The following ATP9A variants were observed in gnomAD, a reference collection of about 807,000 sequenced individuals.
The protein encoded by ATP9A is probable phospholipid-transporting ATPase IIA.
ATP9A carries 52 observed loss-of-function variants against 144.1 expected under a neutral mutation model. That is an observed-to-expected ratio of 0.36 (90% CI 0.29 to 0.45). The LOEUF is 0.45. ATP9A is among the 20% of genes least tolerant of loss of function. ATP9A has a pLI of 1.00. For synonymous variants in ATP9A, 582 were observed against 557.4 expected, an observed-to-expected ratio of 1.04 and a Z score of -0.62; for missense variants, 947 against 1,392.7, an observed-to-expected ratio of 0.68 and a Z score of 5.09.
intron 2 of ATP9A, among the ~76,000 whole-genome samples, chr20:51,727,516 G>A (rs2077720072): frequency 6.6e-6 from 1 of 152,108 alleles, no homozygotes; most frequent in South Asian, 2.1e-4. Context: ...AGCCCAGGAG[G>A]CGGAGATAGT....
At chr20:51,710,522 T>TC (rs1283466767) in intron 4 of ATP9A, among the ~76,000 whole-genome samples, 1 of 152,078 alleles carries the variant, frequency 6.6e-6, no homozygotes, top group African/African-American at 2.4e-5. Context: ...ACTCTGGCCC[T>TC]CCCCCCAAAA....
At chr20:51,710,812 G>T (rs1352813456) in intron 4 of ATP9A, among the ~76,000 whole-genome samples, 1 of 152,148 alleles carries the variant, frequency 6.6e-6, no homozygotes, top group African/African-American at 2.4e-5. Context: ...CTGGGAAGGG[G>T]CGTGCAGTGG....
chr20:51,654,533 G>A (rs889565291), intron 14 of ATP9A, among the ~76,000 whole-genome samples: 1 of 151,948 alleles, frequency 6.6e-6, no homozygotes, highest in Non-Finnish European at 1.5e-5. Context: ...AAAAATTCTG[G>A]GAAGCACTCT....
Position 51,762,705 on chromosome 20 carries a change from C to CTTTTTT in ATP9A, c.68+5591_68+5596dup, listed in dbSNP as rs34209501. ...TTTAAGGTGATATATCCACAAATGG[C>CTTTTTT]TTTTTTTTTTTTTTTTTTTTTTGAG... On this transcript the variant is annotated intron_variant, in intron 1 of 27. Transcript: ENST00000338821. Among the ~76,000 whole-genome samples the CTTTTTT allele has an allele frequency of 4.1e-4, 35 of 84,502 alleles. 2 individuals are homozygous for CTTTTTT. The highest frequency in any genetic ancestry group is 1.0e-3 in the African/African-American group (20 of 19,778). The allele number at this position is 84,502 out of a possible 152,430, so 55.4% of individuals were successfully genotyped here. A position where few individuals can be genotyped will look rare whatever the true frequency, so the allele number is the denominator to read the frequency against.
chr20:51,604,862 G>A lies in ATP9A; in HGVS notation c.2962C>T (p.Leu988=). 6.3e-7 allele frequency: 1 copy of A among 1,581,574 alleles called. No homozygotes were observed. The highest frequency in any genetic ancestry group is 8.6e-7 in the Non-Finnish European group (1 of 1,162,844). Residue 988 remains leucine (L), a synonymous_variant, in exon 27 of 28, where the codon CTG becomes TTG. Transcript: ENST00000338821. ...WLMTVAELLS[L]ACYIASLVFL... is the part of the protein sequence containing the mutation. Reference sequence around the variant, plus strand: ...ACCAGGGAGGCGATGTAGCAGGCCAGGCTGAGCAGCTCCGCCACTGTCATG... The same window carrying A: ...ACCAGGGAGGCGATGTAGCAGGCCAAGCTGAGCAGCTCCGCCACTGTCATG...
chr20:51,624,983 C>T (rs539595668), intron 18 of ATP9A, among the ~76,000 whole-genome samples: 14 of 133,378 alleles, frequency 1.0e-4, no homozygotes, highest in African/African-American at 2.0e-4. Context: ...CCAGCCTGGG[C>T]GACACAGCGA....
At chr20:51,743,020 G>C (rs766241719) in intron 1 of ATP9A, among the ~76,000 whole-genome samples, 11 of 152,170 alleles carry the variant, frequency 7.2e-5, no homozygotes, top group Non-Finnish European at 1.6e-4. Context: ...TGGAACTGTT[G>C]TCCCACGGTA....
chr20:51,657,266 CT>C, intron 13 of ATP9A, 116 bp from the exon 14 acceptor site: 1 of 772,380 alleles, frequency 1.3e-6, no homozygotes, highest in Non-Finnish European at 2.1e-6. Context: ...ACACAGAACC[CT>C]TAGATATATC....
At chr20:51,710,016 G>GT (rs2077630968) in intron 4 of ATP9A, among the ~76,000 whole-genome samples, 2 of 152,174 alleles carry the variant, frequency 1.3e-5, no homozygotes, top group East Asian at 3.9e-4. Flanking sequence ...AAGACCTCAT[G>GT]TGAGGCCGGG....
intron 1 of ATP9A, chr20:51,734,938 G>A (rs1047073589): frequency 7.1e-5 from 15 of 210,172 alleles, no homozygotes; most frequent in East Asian, 6.6e-4. Context: ...GCTCATGCCC[G>A]CACTGCTAAG....
At chr20:51,745,368 G>A (rs902099259) in intron 1 of ATP9A, among the ~76,000 whole-genome samples, 5 of 150,708 alleles carry the variant, frequency 3.3e-5, no homozygotes, top group African/African-American at 4.9e-5. Flanking sequence ...CCAGGAGGAA[G>A]AAGTTATAGT....
In ATP9A at chr20:51,697,465, T is replaced by G; in HGVS notation, c.454A>C (p.Ser152Arg). 1 of 1,613,552 alleles carries G rather than the reference T, an allele frequency of 6.2e-7. No individual in the cohort carries two copies. The highest frequency in any genetic ancestry group is 1.1e-5 in the South Asian group (1 of 90,968). The stretch of plus-strand genomic sequence containing the variant: ...AGGTCTCCAACTTGGATGTTAGAAC[T>G]CTTCACCTTCACTGTGCCTGCAAAG... Reference protein sequence around the residue: ...LTARGTVKVKSSNIQVGDLII... With the variant: ...LTARGTVKVKRSNIQVGDLII... The change falls in exon 5 of 28, where the codon AGT (serine) becomes CGT (arginine). Residue 152 changes from serine to arginine, a missense_variant. Ser to Arg is a moderately radical substitution (Grantham distance 110, BLOSUM62 -1). Coordinates refer to ENST00000338821, the MANE Select transcript of ATP9A (RefSeq NM_006045.3).
chr20:51,613,388 G>A (rs571180765), intron 23 of ATP9A, among the ~76,000 whole-genome samples: 3 of 152,266 alleles, frequency 2.0e-5, no homozygotes, highest in East Asian at 3.9e-4. Context: ...CACTGCTAAC[G>A]CACACATCCT....
At position 51,600,133 on chromosome 20, in the gene ATP9A, G is replaced by C. The variant is rs889906526; in HGVS notation, c.*1078C>G. 6.6e-5 allele frequency: 10 copies of C among 152,326 alleles called. No homozygotes were observed. In the South Asian group the frequency reaches 1.9e-3, roughly 28 times the overall value. The allele number at this position is 152,326 out of a possible 1,614,324, so 9.4% of individuals were successfully genotyped here. A position where few individuals can be genotyped will look rare whatever the true frequency, so the allele number is the denominator to read the frequency against. ...TAGCTTGGGCGTCCTCCCACCAGGG[G>C]TTCCTTGTTCTGAAAGCTGCCACCA... On this transcript the variant is annotated 3_prime_UTR_variant, in exon 28 of 28. Coordinates refer to ENST00000338821, the MANE Select transcript of ATP9A (RefSeq NM_006045.3).
chr20:51,763,703 T>G (rs945966151), intron 1 of ATP9A, among the ~76,000 whole-genome samples: 1 of 152,184 alleles, frequency 6.6e-6, no homozygotes, highest in African/African-American at 2.4e-5. Context: ...ATCTATTCAG[T>G]TCTTCTTTCT....
chr20:51,683,249 G>C (rs1055976439), intron 9 of ATP9A, among the ~76,000 whole-genome samples: 1 of 151,824 alleles, frequency 6.6e-6, no homozygotes, highest in Non-Finnish European at 1.5e-5. Context: ...ACAACACCTG[G>C]ACGTTTGTTT....
intron 3 of ATP9A, among the ~76,000 whole-genome samples, chr20:51,724,705 T>C (rs1192918532): frequency 3.9e-5 from 6 of 152,188 alleles, no homozygotes; most frequent in Non-Finnish European, 8.8e-5. Flanking sequence ...GCACAGGGCC[T>C]GGCACACAGC....
intron 1 of ATP9A, among the ~76,000 whole-genome samples, chr20:51,755,909 C>A (rs942466622): frequency 1.4e-4 from 21 of 151,670 alleles, no homozygotes; most frequent in African/African-American, 4.8e-4. Context: ...GAGCCGAGAT[C>A]GTGCCACTGA....
intron 15 of ATP9A, among the ~76,000 whole-genome samples, chr20:51,632,863 C>A (rs954253981): frequency 1.3e-5 from 2 of 152,194 alleles, no homozygotes; most frequent in Non-Finnish European, 2.9e-5. Context: ...TGGCTCACAC[C>A]TGTAATTCCA....
Sources: allele counts gnomAD v4.1 joint callset (sites outside exome capture counted in the v4.1 genomes callset), GRCh38; gene constraint gnomAD v4.1.1; transcripts MANE v1.5; gene names NCBI Gene and HGNC (gene_info 2026-07-23, HGNC 2026-07-21).